KCNH5: variants seen among roughly 807,000 people sequenced by gnomAD.
The protein encoded by KCNH5 is potassium voltage-gated channel subfamily H member 5.
KCNH5 carries 46 observed loss-of-function variants against 96.1 expected under a neutral mutation model. That is an observed-to-expected ratio of 0.48 (90% confidence interval 0.38 to 0.61). The LOEUF (loss-of-function observed/expected upper bound fraction) is 0.61. KCNH5 is among the 20% of genes least tolerant of loss of function. The pLI, the probability that KCNH5 is intolerant of heterozygous loss-of-function variation, is 0.00. For missense variants in KCNH5, 907 were observed against 1,225.8 expected, an observed-to-expected ratio of 0.74 and a Z score of 3.88; for synonymous variants, 439 against 449.8, an observed-to-expected ratio of 0.98 and a Z score of 0.30.
At position 62,707,769 on chromosome 14, in the gene KCNH5, G is replaced by C. The variant is rs147205656; in HGVS notation, c.2706C>G (p.Pro902=). The change falls in exon 11 of 11, where the codon CCC becomes CCG. Residue 902 remains proline (P), a synonymous_variant. Transcript: ENST00000322893. ...ADAKHPFYPI[P]EQALQTTLQE... is the part of the protein sequence containing the mutation. ...GCAGTGTGGTCTGTAAGGCCTGCTC[G>C]GGGATGGGATAAAAGGGGTGCTTGG... is the stretch of plus-strand genomic sequence containing the variant. The C allele has an allele frequency of 2.5e-5, 40 of 1,613,960 alleles. No homozygotes were observed. In the African/African-American group the frequency reaches 4.8e-4, roughly 19 times the overall value.
At chr14:62,929,210 C>T (rs541414809) in intron 7 of KCNH5, among the ~76,000 whole-genome samples, 4 of 151,976 alleles carry the variant, frequency 2.6e-5, no homozygotes, top group African/African-American at 9.7e-5. Flanking sequence ...AACCACCCCC[C>T]GCATCTAGTC....
chr14:62,886,208 G>A (rs948167419), intron 7 of KCNH5, among the ~76,000 whole-genome samples: 2 of 151,842 alleles, frequency 1.3e-5, no homozygotes, highest in Admixed American at 6.6e-5. Context: ...TGGAACAGAT[G>A]TGCCCAAACA....
At chr14:62,812,570 C>CA (rs1886894382) in intron 8 of KCNH5, among the ~76,000 whole-genome samples, 1 of 151,968 alleles carries the variant, frequency 6.6e-6, no homozygotes. Context: ...AATAATGTCA[C>CA]AAAACCTTAG....
intron 7 of KCNH5, among the ~76,000 whole-genome samples, chr14:62,867,378 T>C (rs1287372347): frequency 6.6e-6 from 1 of 152,178 alleles, no homozygotes. Flanking sequence ...CATCTTCTGA[T>C]ACTTCACACC....
At chr14:62,978,059 G>A (rs1003728968) in intron 6 of KCNH5, among the ~76,000 whole-genome samples, 2 of 152,210 alleles carry the variant, frequency 1.3e-5, no homozygotes, top group Non-Finnish European at 2.9e-5. Flanking sequence ...GCTTCAACAT[G>A]TGAGCTGCAG....
At chr14:62,900,538 A>G (rs932393093) in intron 7 of KCNH5, among the ~76,000 whole-genome samples, 7 of 152,190 alleles carry the variant, frequency 4.6e-5, no homozygotes, top group African/African-American at 1.7e-4. Flanking sequence ...ATAATGCTGT[A>G]TCTTATAGAA....
intron 9 of KCNH5, among the ~76,000 whole-genome samples, chr14:62,786,746 G>A (rs565361123): frequency 6.6e-6 from 1 of 152,178 alleles, no homozygotes; most frequent in Non-Finnish European, 1.5e-5. Flanking sequence ...AATTCTCACA[G>A]TATTTCTAAT....
At chr14:62,949,638 C>T (rs1373283078) in intron 7 of KCNH5, among the ~76,000 whole-genome samples, 3 of 152,160 alleles carry the variant, frequency 2.0e-5, no homozygotes, top group Non-Finnish European at 4.4e-5. Flanking sequence ...GGCATATATT[C>T]AACCTAGAGT....
rs1473460950 is a variant in KCNH5, at chr14:62,708,317, G to A, written c.2158C>T (p.Arg720Trp). The A allele has an allele frequency of 3.1e-6, 5 of 1,614,138 alleles. No homozygotes were observed. Among genetic ancestry groups the A allele is most frequent in the East Asian group, 2.2e-5 (1 of 44,866 alleles). The change falls in exon 11 of 11, where the codon CGG (arginine) becomes TGG (tryptophan). Residue 720 changes from arginine to tryptophan, a missense_variant. By Grantham distance (101) the Arg-to-Trp change is moderately radical. Coordinates refer to ENST00000322893, the MANE Select transcript of KCNH5 (RefSeq NM_139318.5). ...TCACCCTGTGTTGAGCCCTGATTCC[G>A]CAGCTCCTTCTGCTGCTTGAACTTC... The part of the protein sequence containing the change: ...FQKFKQQKEL[R>W]NQGSTQGDPE...
intron 7 of KCNH5, among the ~76,000 whole-genome samples, chr14:62,940,473 T>C (rs1251093507): frequency 1.3e-5 from 2 of 152,196 alleles, no homozygotes; most frequent in African/African-American, 4.8e-5. Context: ...TTGTCCACAA[T>C]AAAGAATCAA....
chr14:63,035,913 G>A (rs753069270), intron 1 of KCNH5, among the ~76,000 whole-genome samples: 1 of 152,200 alleles, frequency 6.6e-6, no homozygotes, highest in African/African-American at 2.4e-5. Context: ...TAATTCTGGA[G>A]AGCCTCAGTG....
chr14:62,731,977 AG>A (rs1483139683), intron 10 of KCNH5, among the ~76,000 whole-genome samples: 1 of 152,218 alleles, frequency 6.6e-6, no homozygotes, highest in Non-Finnish European at 1.5e-5. Flanking sequence ...GTGATCGTGT[AG>A]AAACTCTAGC....
At chr14:62,980,199 T>G (rs1890580187) in intron 6 of KCNH5, among the ~76,000 whole-genome samples, 1 of 152,194 alleles carries the variant, frequency 6.6e-6, no homozygotes. Context: ...CTCTTCTGTT[T>G]ATAAATTACC....
chr14:62,713,280 A>ATAT (rs3037582), intron 10 of KCNH5, among the ~76,000 whole-genome samples: 3 of 118,244 alleles, frequency 2.5e-5, no homozygotes, highest in African/African-American at 1.0e-4. Flanking sequence ...TGCTATCTGT[A>ATAT]TATTATTATT....
chr14:63,034,312 T>C (rs1486333755), intron 1 of KCNH5, among the ~76,000 whole-genome samples: 2 of 152,184 alleles, frequency 1.3e-5, no homozygotes, highest in Non-Finnish European at 2.9e-5. Flanking sequence ...CTGAAGCATA[T>C]ATAGCAATTG....
intron 8 of KCNH5, among the ~76,000 whole-genome samples, chr14:62,841,927 T>C (rs1382001589): frequency 1.3e-5 from 2 of 152,260 alleles, no homozygotes; most frequent in Non-Finnish European, 2.9e-5. Context: ...TTCTCATTTC[T>C]GGACTGTGGC....
At chr14:62,980,044 G>A (rs566896400) in intron 6 of KCNH5, among the ~76,000 whole-genome samples, 2 of 152,256 alleles carry the variant, frequency 1.3e-5, no homozygotes, top group African/African-American at 2.4e-5. Context: ...GATCTCATGC[G>A]ATCTGGGGGT....
rs2139975500 is a variant in KCNH5, at chr14:62,779,830, G to A, written c.1917C>T (p.His639=). 1.2e-6 allele frequency: 2 copies of A among 1,613,980 alleles called. No homozygotes were observed. The highest frequency in any genetic ancestry group is 1.7e-5 in the Admixed American group (1 of 60,010). ...NVRALTYCDL[H]IIKREALLKV... is the part of the protein sequence containing the mutation. ...TGAGCAAGGCTTCCCGCTTGATGATGTGTAGGTCACAGTACGTCAGTGCCC... is the reference window on the plus strand; with the variant it reads ...TGAGCAAGGCTTCCCGCTTGATGATATGTAGGTCACAGTACGTCAGTGCCC... Residue 639 remains histidine, a synonymous_variant, in exon 10 of 11, where the codon CAC becomes CAT. Coordinates refer to ENST00000322893, the MANE Select transcript of KCNH5 (RefSeq NM_139318.5).
intron 8 of KCNH5, among the ~76,000 whole-genome samples, chr14:62,846,787 A>ATTTT (rs1887701404): frequency 1.5e-5 from 1 of 65,666 alleles, no homozygotes; most frequent in African/African-American, 5.8e-5. Flanking sequence ...ATTGTATTGT[A>ATTTT]TCTTTTTTTT....
Sources: gnomAD v4.1 joint callset for allele counts (sites outside exome capture counted in the v4.1 genomes callset) on GRCh38, gnomAD v4.1.1 for gene constraint, MANE v1.5 for transcripts, NCBI Gene and HGNC (gene_info 2026-07-23, HGNC 2026-07-21) for gene names.